The following GRID2 variants were observed in gnomAD, a reference collection of about 807,000 sequenced individuals.
The protein encoded by GRID2 is glutamate ionotropic receptor delta type subunit 2, also known as glutamate receptor ionotropic, delta-2.
In GRID2, 33 loss-of-function variants were observed where a neutral mutation model predicts 114.8. The observed-to-expected ratio is 0.29, with a 90% CI of 0.22 to 0.38. The LOEUF is 0.38. Ranked by LOEUF, GRID2 falls within the 10% of genes least tolerant of loss-of-function variation. The probability of loss-of-function intolerance (pLI) is 1.00; values close to 1 mark genes in which losing one functional copy is unlikely to be tolerated. For synonymous variants in GRID2, 505 were observed against 449.9 expected (o/e 1.12, Z -1.55); for missense variants, 1,184 against 1,257.7 (o/e 0.94, Z 0.89).
At chr4:93,054,761 A>C (rs1727064834) in intron 2 of GRID2, among the ~76,000 whole-genome samples, 1 of 151,898 alleles carries the variant, frequency 6.6e-6, no homozygotes, top group African/African-American at 2.4e-5. Context: ...TGGAAATATA[A>C]TTTTTCACAT....
chr4:93,593,916 A>G (rs901963630), intron 13 of GRID2, among the ~76,000 whole-genome samples: 1 of 151,630 alleles, frequency 6.6e-6, no homozygotes, highest in Admixed American at 6.6e-5. Context: ...CAGCTCCTTT[A>G]AGCACTTCTC....
intron 12 of GRID2, among the ~76,000 whole-genome samples, chr4:93,494,823 C>T (rs1196663420): frequency 1.3e-5 from 2 of 151,384 alleles, no homozygotes; most frequent in African/African-American, 4.8e-5. Flanking sequence ...TTTTTTTTCT[C>T]TTGATAACTA....
rs766216768 is a variant in GRID2 at position 93,316,320 on chromosome 4, G to GAAAGAAAGAAAGAAAA, written c.1245+77845_1245+77846insAAAAGAAAGAAAGAAA. On this transcript the variant is annotated intron_variant, in intron 8 of 15. Transcript: ENST00000282020. ...AGAAAGAAAGAAAGAAAGAAAGAAA[G>GAAAGAAAGAAAGAAAA]AAAGAAAGAAAGAAAGAAAGAAGGA... Among the ~76,000 whole-genome samples, 462 of 93,182 alleles carry GAAAGAAAGAAAGAAAA rather than the reference G, an allele frequency of 5.0e-3. 2 individuals are homozygous for GAAAGAAAGAAAGAAAA. Among genetic ancestry groups the GAAAGAAAGAAAGAAAA allele is most frequent in the Non-Finnish European group, 0.011 (375 of 33,060 alleles). The allele number at this position is 93,182 out of a possible 152,430, so 61.1% of individuals were successfully genotyped here. A position where few individuals can be genotyped will look rare whatever the true frequency, so the allele number is the denominator to read the frequency against.
intron 8 of GRID2, among the ~76,000 whole-genome samples, chr4:93,259,226 G>T (rs922951422): frequency 2.6e-5 from 4 of 151,740 alleles, no homozygotes; most frequent in Non-Finnish European, 5.9e-5. Flanking sequence ...TTGCCCTACA[G>T]CACCATGCAG....
chr4:93,156,305 G>T (rs929967210), intron 4 of GRID2, among the ~76,000 whole-genome samples: 5 of 151,810 alleles, frequency 3.3e-5, no homozygotes, highest in Non-Finnish European at 7.4e-5. Context: ...TGGACTTTGT[G>T]TTGGAAATTG....
intron 2 of GRID2, among the ~76,000 whole-genome samples, chr4:92,714,169 C>T (rs373025759): frequency 6.6e-6 from 1 of 152,158 alleles, no homozygotes; most frequent in African/African-American, 2.4e-5. Context: ...TGGGCCAAAA[C>T]AAAGGGGCTA....
chr4:93,782,152 A>G (rs1242301223), intron 1 of GRID2, among the ~76,000 whole-genome samples: 1 of 152,134 alleles, frequency 6.6e-6, no homozygotes, highest in Non-Finnish European at 1.5e-5. Context: ...CAATGTGGTG[A>G]CAGTGACTCA....
At chr4:93,079,074 T>C (rs78683005) in intron 2 of GRID2, among the ~76,000 whole-genome samples, 4,262 of 151,498 alleles carry the variant, frequency 0.028, 205 homozygotes, top group African/African-American at 0.097. Flanking sequence ...TAGGAAAATA[T>C]TCAATTTAGC....
At chr4:93,229,638 G>A (rs986210128) in intron 7 of GRID2, among the ~76,000 whole-genome samples, 4 of 152,082 alleles carry the variant, frequency 2.6e-5, no homozygotes, top group Non-Finnish European at 4.4e-5. Context: ...TTAAGGGCAC[G>A]CTACATACAC....
intron 8 of GRID2, among the ~76,000 whole-genome samples, chr4:93,341,657 T>G (rs10028824): frequency 0.19 from 29,079 of 152,060 alleles, 5,497 homozygotes; most frequent in African/African-American, 0.49. Context: ...CATCTTCTTA[T>G]TTGTGATTTC....
intron 1 of GRID2, among the ~76,000 whole-genome samples, chr4:92,524,155 A>T (rs1246338692): frequency 6.6e-6 from 1 of 152,062 alleles, no homozygotes; most frequent in Non-Finnish European, 1.5e-5. Flanking sequence ...ATTGGTAAAC[A>T]AGGGTTGAGT....
At chr4:92,696,566 CCCAA>C (rs773045335) in intron 2 of GRID2, among the ~76,000 whole-genome samples, 10 of 151,992 alleles carry the variant, frequency 6.6e-5, no homozygotes, top group Non-Finnish European at 1.5e-4. Flanking sequence ...AATCTTTTAT[CCCAA>C]CCAAACTATA....
chr4:93,332,325 A>AGAGAGAGAGAGAGAGAGAGAGG (rs370701996), intron 8 of GRID2, among the ~76,000 whole-genome samples: 1 of 142,082 alleles, frequency 7.0e-6, no homozygotes, highest in African/African-American at 2.6e-5. Context: ...AGAGAGAGAG[A>AGAGAGAGAGAGAGAGAGAGAGG]ACTGGGAATG....
chr4:93,593,290 A>G (rs1300004362), intron 13 of GRID2, among the ~76,000 whole-genome samples: 4 of 144,100 alleles, frequency 2.8e-5, no homozygotes, highest in Non-Finnish European at 6.1e-5. Context: ...TCTGTAAAGT[A>G]TTTTATTTCT....
At chr4:92,632,722 AGAAAG>A (rs1386820428) in intron 2 of GRID2, among the ~76,000 whole-genome samples, 1 of 151,868 alleles carries the variant, frequency 6.6e-6, no homozygotes, top group Non-Finnish European at 1.5e-5. Context: ...GAAGGAGTGA[AGAAAG>A]GGAAGGAAGG....
chr4:92,687,177 T>A (rs1481089214), intron 2 of GRID2, among the ~76,000 whole-genome samples: 2 of 135,880 alleles, frequency 1.5e-5, no homozygotes, highest in African/African-American at 5.4e-5. Flanking sequence ...ATACGGATTT[T>A]TTTGATTTTT....
chr4:92,460,032 C>CTCTATATA lies in GRID2; in HGVS notation c.89-130098_89-130097insCTATATAT, dbSNP rs749790235. Reference sequence around the variant, plus strand: ...AGCCCATTCCTTAAAATAAATCTCACTATATATATATATATATATATACAC... The same window carrying CTCTATATA: ...AGCCCATTCCTTAAAATAAATCTCACTCTATATATATATATATATATATATATATACAC... On this transcript the variant is annotated intron_variant, in intron 1 of 15. Coordinates refer to ENST00000282020, the MANE Select transcript of GRID2 (RefSeq NM_001510.4). 8.1e-4 allele frequency among the ~76,000 whole-genome samples: 39 copies of CTCTATATA among 48,428 alleles called. 2 individuals are homozygous for CTCTATATA. The highest frequency in any genetic ancestry group is 3.1e-3 in the African/African-American group (31 of 9,894). 31.8% of individuals were successfully genotyped at this position (48,428 alleles called of 152,430 possible).
Position 92,472,148 on chromosome 4 carries a change from T to C in GRID2, c.89-117983T>C, listed in dbSNP as rs562231025. ...CGGGGTTTCACCGTTTTAGCCGGGA[T>C]GGTCTCGATCTCCTGACCTCGTGAT... On this transcript the variant is annotated intron_variant, in intron 1 of 15. Transcript: ENST00000282020. Among the ~76,000 whole-genome samples the C allele has an allele frequency of 1.5e-5, 2 of 133,516 alleles. 1 individual carries two copies. The highest frequency in any genetic ancestry group is 4.1e-4 in the East Asian group (2 of 4,856). 87.6% of individuals were successfully genotyped at this position (133,516 alleles called of 152,430 possible). A position where few individuals can be genotyped will look rare whatever the true frequency, so the allele number is the denominator to read the frequency against.
chr4:92,921,284 G>A (rs558185134), intron 2 of GRID2, among the ~76,000 whole-genome samples: 35 of 151,960 alleles, frequency 2.3e-4, no homozygotes, highest in East Asian at 9.7e-4. Context: ...CTTCTTTACC[G>A]TGGGTTCGAA....
Sources: gnomAD v4.1 joint callset for allele counts (sites outside exome capture counted in the v4.1 genomes callset) on GRCh38, gnomAD v4.1.1 for gene constraint, MANE v1.5 for transcripts, NCBI Gene and HGNC (gene_info 2026-07-23, HGNC 2026-07-21) for gene names.